The following FHDC1 variants were observed in gnomAD, a reference collection of about 807,000 sequenced individuals.
FHDC1 encodes FH2 domain-containing protein 1.
FHDC1 carries 25 observed loss-of-function variants against 52.6 expected under a neutral mutation model. The observed-to-expected ratio is 0.48, with a 90% CI of 0.35 to 0.66. The LOEUF (loss-of-function observed/expected upper bound fraction) is 0.66, where lower values mean the gene tolerates loss of function less well. FHDC1 is among the 30% of genes least tolerant of loss of function. The probability of loss-of-function intolerance (pLI) is 0.01; values close to 1 mark genes in which losing one functional copy is unlikely to be tolerated. For synonymous variants in FHDC1, 616 were observed against 581.5 expected (o/e 1.06, Z -0.85); for missense variants, 1,459 against 1,452.8 (o/e 1.00, Z -0.07).
At position 152,976,850 on chromosome 4, in the gene FHDC1, C is replaced by T. The variant is rs927975021; in HGVS notation, c.*127C>T. Reference sequence around the variant, plus strand: ...CAGCCACTGGTGCCACTGCTAGTGACGCTGTTGGGATGGCACAGTCCAGGA... The same window carrying T: ...CAGCCACTGGTGCCACTGCTAGTGATGCTGTTGGGATGGCACAGTCCAGGA... On this transcript the variant is annotated 3_prime_UTR_variant, in exon 12 of 12. Coordinates refer to ENST00000511601, the MANE Select transcript of FHDC1 (RefSeq NM_001371116.1). The T allele has an allele frequency of 1.6e-5, 20 of 1,270,890 alleles. No individual in the cohort carries two copies. The highest frequency in any genetic ancestry group is 4.5e-5 in the African/African-American group (3 of 66,504). The allele number at this position is 1,270,890 out of a possible 1,614,324, so 78.7% of individuals were successfully genotyped here.
At chr4:152,925,125 A>G in the FHDC1 span, among the ~76,000 whole-genome samples, 3 of 152,232 alleles carry the variant, frequency 2.0e-5, no homozygotes, top group East Asian at 5.8e-4. Flanking sequence ...CAGCTTATTT[A>G]CTAAAGATTT....
chr4:152,925,295 T>A, the FHDC1 span, among the ~76,000 whole-genome samples: 1 of 152,214 alleles, frequency 6.6e-6, no homozygotes, highest in African/African-American at 2.4e-5. Context: ...AATGCGTAGA[T>A]GTATTAGACA....
Position 152,975,677 on chromosome 4 carries a change from G to A in FHDC1, c.2386G>A (p.Gly796Arg), listed in dbSNP as rs372925250. The A allele has an allele frequency of 2.7e-5, 43 of 1,612,778 alleles. No individual in the cohort carries two copies. Among genetic ancestry groups the A allele is most frequent in the African/African-American group, 1.3e-4 (10 of 74,928 alleles). ...GGGAACCGACTCCAGACCCAGAGGC[G>A]GGGACCCGGAGGAAGGCGGGGAAGG... Reference protein sequence around the residue: ...SEGTDSRPRGGDPEEGGEGDG... With the variant: ...SEGTDSRPRGRDPEEGGEGDG... Residue 796 changes from glycine (G) to arginine (R), a missense_variant, in exon 12 of 12, where the codon GGG (glycine) becomes AGG (arginine). Around this residue, in one of 3 missense-constraint regions of FHDC1, gnomAD observed 939 missense variants for 854.5 expected, o/e 1.10. Transcript: ENST00000511601.
In FHDC1 at chr4:152,976,740, C is replaced by T. The variant is rs760368715; in HGVS notation, c.*17C>T. On this transcript the variant is annotated 3_prime_UTR_variant, in exon 12 of 12. Transcript: ENST00000511601. Reference sequence around the variant, plus strand: ...CGGAAGTGATGGGTGCCTGTCCTCTCCTGCCTCCTGGGATTCAGACGGTGA... The same window carrying T: ...CGGAAGTGATGGGTGCCTGTCCTCTTCTGCCTCCTGGGATTCAGACGGTGA... 6.2e-6 allele frequency: 9 copies of T among 1,457,620 alleles called. No individual in the cohort carries two copies. The highest frequency in any genetic ancestry group is 8.2e-6 in the Non-Finnish European group (9 of 1,101,368). The allele number at this position is 1,457,620 out of a possible 1,614,324, so 90.3% of individuals were successfully genotyped here.
chr4:152,936,391 G>C lies in FHDC1; in HGVS notation c.-149G>C, dbSNP rs896329366. ...CTGCAGCGGTCTGCGCGCCGGGAGC[G>C]GGGGCGCGCTGGCCGCGGGTGAGTG... On this transcript the variant is annotated 5_prime_UTR_variant, in exon 1 of 12. Coordinates refer to ENST00000511601, the MANE Select transcript of FHDC1 (RefSeq NM_001371116.1). 6.6e-6 allele frequency: 1 copy of C among 152,146 alleles called. No individual in the cohort carries two copies. The allele number at this position is 152,146 out of a possible 1,614,324, so 9.4% of individuals were successfully genotyped here.
upstream of FHDC1, among the ~76,000 whole-genome samples, chr4:152,933,302 T>G (rs1739282078): frequency 1.3e-5 from 2 of 152,050 alleles, no homozygotes; most frequent in South Asian, 4.2e-4. Flanking sequence ...AATCAGCATA[T>G]TAATAGATGA....
At position 152,955,760 on chromosome 4, in the gene FHDC1, G is replaced by A. The variant is rs148329394; in HGVS notation, c.663+1441G>A. Among the ~76,000 whole-genome samples, 486 of 152,358 alleles carry A rather than the reference G, an allele frequency of 3.2e-3. 4 individuals carry two copies. The highest frequency in any genetic ancestry group is 0.011 in the African/African-American group (459 of 41,584). ...CCCAAAGTGCTGGGATTACAGGCAT[G>A]AGCCACTGCACCTGGCCAACTTTAT... On this transcript the variant is annotated intron_variant, in intron 4 of 11. Transcript: ENST00000511601.
At chr4:152,933,333 T>C (rs911752366), upstream of FHDC1, among the ~76,000 whole-genome samples, 1 of 152,192 alleles carries the variant, frequency 6.6e-6, no homozygotes, top group Non-Finnish European at 1.5e-5. Context: ...GTCTTCTAGA[T>C]TTTGCAGCTT....
At chr4:152,970,635 CAA>C (rs1003832029) in intron 10 of FHDC1, among the ~76,000 whole-genome samples, 1 of 152,162 alleles carries the variant, frequency 6.6e-6, no homozygotes, top group Non-Finnish European at 1.5e-5. Context: ...GAATGACAGG[CAA>C]AGATTTATCC....
rs1740879717 is a variant in FHDC1 at position 152,976,297 on chromosome 4, C to T, written c.3006C>T (p.Thr1002=). The T allele has an allele frequency of 6.2e-7, 1 of 1,613,640 alleles. No individual in the cohort carries two copies. Residue 1002 remains threonine, a synonymous_variant, in exon 12 of 12, where the codon ACC becomes ACT. Transcript: ENST00000511601. ...GACAGAAGCCTGAGGAAAATAAGAC[C>T]TGCCGCGCCCACTCCGAGGGCCCTG... ...LPRQKPEENK[T]CRAHSEGPES... is the part of the protein sequence containing the mutation.
At chr4:152,956,828 A>T (rs929896184) in intron 4 of FHDC1, among the ~76,000 whole-genome samples, 10 of 152,124 alleles carry the variant, frequency 6.6e-5, no homozygotes, top group Non-Finnish European at 1.2e-4. Flanking sequence ...ACTGACTCTG[A>T]GCTTCAGCTC....
intron 2 of FHDC1, among the ~76,000 whole-genome samples, chr4:152,949,124 T>G (rs28633792): frequency 0.26 from 18,671 of 73,202 alleles, 1,794 homozygotes; most frequent in Non-Finnish European, 0.28. Context: ...ATAATAATAA[T>G]AAGAAGAAGA....
intron 1 of FHDC1, among the ~76,000 whole-genome samples, chr4:152,939,237 C>G (rs1041427522): frequency 6.6e-6 from 1 of 151,990 alleles, no homozygotes; most frequent in Non-Finnish European, 1.5e-5. Context: ...GCCACCACGC[C>G]CAGCTACTGT....
chr4:152,960,680 T>A, intron 5 of FHDC1, 30 bp downstream of exon 5: 1 of 1,613,082 alleles, frequency 6.2e-7, no homozygotes, highest in Non-Finnish European at 8.5e-7. Context: ...TTATTATTCT[T>A]CACGCAGTAA....
chr4:152,958,719 A>G (rs1277972547), intron 4 of FHDC1, among the ~76,000 whole-genome samples: 1 of 152,112 alleles, frequency 6.6e-6, no homozygotes, highest in African/African-American at 2.4e-5. Flanking sequence ...GAATTGTTCA[A>G]CTCTAGCTCA....
chr4:152,928,740 G>A, the FHDC1 span, among the ~76,000 whole-genome samples: 3 of 152,212 alleles, frequency 2.0e-5, no homozygotes, highest in African/African-American at 7.2e-5. Context: ...TTGATGTTGT[G>A]TGACTAAGTA....
the FHDC1 span, among the ~76,000 whole-genome samples, chr4:152,925,657 C>G: frequency 6.6e-6 from 1 of 151,228 alleles, no homozygotes; most frequent in African/African-American, 2.4e-5. Flanking sequence ...CCTGGGTCTC[C>G]AAAAAGAGAA....
the FHDC1 span, among the ~76,000 whole-genome samples, chr4:152,929,908 T>C: frequency 6.6e-6 from 1 of 152,218 alleles, no homozygotes; most frequent in Non-Finnish European, 1.5e-5. This position sits in a 1 kb window ranked among gnomAD's most constrained non-coding sequence, Gnocchi z 4.1. Flanking sequence ...TTCCCTTCTC[T>C]CTGGTCCTTT....
intron 4 of FHDC1, among the ~76,000 whole-genome samples, chr4:152,954,694 A>G (rs11099861): frequency 0.41 from 62,503 of 151,874 alleles, 13,408 homozygotes; most frequent in South Asian, 0.56. Flanking sequence ...CTCTAAAAAA[A>G]AAAGAAAGAA....
Sources: allele counts gnomAD v4.1 joint callset (sites outside exome capture counted in the v4.1 genomes callset), GRCh38; gene constraint gnomAD v4.1.1; regional missense constraint gnomAD v4.1.1; non-coding constraint Gnocchi (gnomAD v3.1); transcripts MANE v1.5; gene names NCBI Gene and HGNC (gene_info 2026-07-23, HGNC 2026-07-21).